The following KLHL18 variants were observed in gnomAD, a reference collection of about 807,000 sequenced individuals.
The protein encoded by KLHL18 is kelch-like protein 18.
Under a neutral mutation model 58.5 loss-of-function variants are expected in KLHL18, and 38 were observed. The observed-to-expected ratio is 0.65, with a 90% CI of 0.50 to 0.85. KLHL18 has a LOEUF of 0.85. Among genes scored for constraint, KLHL18 ranks in the 40% least tolerant of loss-of-function variants. The pLI, the probability that KLHL18 is intolerant of heterozygous loss-of-function variation, is 0.00. For synonymous variants in KLHL18, 303 were observed against 301.9 expected (o/e 1.00, Z -0.04); for missense variants, 624 against 778.4 (o/e 0.80, Z 2.36).
intron 4 of KLHL18, among the ~76,000 whole-genome samples, chr3:47,332,567 T>C (rs1703888692): frequency 8.0e-6 from 1 of 125,242 alleles, no homozygotes; most frequent in South Asian, 2.8e-4. Context: ...AGGTGTCCTG[T>C]CCCTAGCTCT....
chr3:47,291,632 G>C (rs1224828346), intron 1 of KLHL18, among the ~76,000 whole-genome samples: 1 of 152,206 alleles, frequency 6.6e-6, no homozygotes, highest in Non-Finnish European at 1.5e-5. Flanking sequence ...AGCTGAATCC[G>C]TTGCCTATAG....
chr3:47,336,231 C>T (rs1458184707), intron 6 of KLHL18, among the ~76,000 whole-genome samples: 1 of 152,160 alleles, frequency 6.6e-6, no homozygotes, highest in African/African-American at 2.4e-5. Context: ...ATGCCTCCTG[C>T]CTGGAGGAAA....
At position 47,336,536 on chromosome 3, in the gene KLHL18, T is replaced by C. The variant is rs1032024428; in HGVS notation, c.900T>C (p.Gly300=). The change falls in exon 7 of 10, where the codon GGT becomes GGC. Residue 300 remains glycine (G), a splice_region_variant and synonymous_variant. Coordinates refer to ENST00000232766, the MANE Select transcript of KLHL18 (RefSeq NM_025010.5). ...TTTGAGTAGCAAATTTTTATGCAGG[T>C]GATTCCCTGAATGTGGTGGAAGTGT... ...IYAVGGLNSA[G]DSLNVVEVFD... The C allele has an allele frequency of 3.7e-6, 6 of 1,611,384 alleles. No individual in the cohort carries two copies. Among genetic ancestry groups the C allele is most frequent in the Admixed American group, 3.3e-5 (2 of 59,980 alleles).
At chr3:47,292,775 A>G (rs1702815799) in intron 1 of KLHL18, among the ~76,000 whole-genome samples, 1 of 151,898 alleles carries the variant, frequency 6.6e-6, no homozygotes, top group South Asian at 2.1e-4. Context: ...GCGTGGTGGT[A>G]TGCACTTGTA....
chr3:47,329,388 C>T (rs181282009), intron 3 of KLHL18, among the ~76,000 whole-genome samples: 216 of 152,150 alleles, frequency 1.4e-3, no homozygotes, highest in African/African-American at 2.7e-3. Context: ...CCACCACACC[C>T]GGCTAATTTT....
chr3:47,335,628 C>T (rs1032274061), intron 6 of KLHL18, among the ~76,000 whole-genome samples: 2 of 152,256 alleles, frequency 1.3e-5, no homozygotes, highest in East Asian at 3.9e-4. Flanking sequence ...CCGCCTTAGC[C>T]TCCTGAGTAG....
intron 9 of KLHL18, among the ~76,000 whole-genome samples, chr3:47,343,062 A>G (rs149876166): frequency 1.3e-3 from 205 of 152,302 alleles, no homozygotes; most frequent in African/African-American, 4.7e-3. Context: ...ACCCTGTTCT[A>G]CTGTCTGTTG....
chr3:47,342,727 T>A lies in KLHL18; in HGVS notation c.1235T>A (p.Val412Glu). ...TYSPETDKWT[V>E]VTSMSSNRSA... ...TTGACTCTTTCCTGAAGATGGACAG[T>A]GGTGACCTCGATGAGCTCGAATCGC... Residue 412 changes from valine to glutamate, a missense_variant, in exon 9 of 10, where the codon GTG (valine) becomes GAG (glutamate). By Grantham distance (121) the Val-to-Glu change is moderately radical. Transcript: ENST00000232766. 6.2e-7 allele frequency: 1 copy of A among 1,613,994 alleles called. No homozygotes were observed. Among genetic ancestry groups the A allele is most frequent in the Non-Finnish European group, 8.5e-7 (1 of 1,179,898 alleles).
intron 3 of KLHL18, among the ~76,000 whole-genome samples, chr3:47,329,086 G>A (rs1289953120): frequency 6.6e-6 from 1 of 151,488 alleles, no homozygotes; most frequent in African/African-American, 2.4e-5. Flanking sequence ...CCGTGTTCAC[G>A]CTACTGCACT....
chr3:47,284,975 C>T (rs1702644032), intron 1 of KLHL18, among the ~76,000 whole-genome samples: 1 of 152,038 alleles, frequency 6.6e-6, no homozygotes, highest in Non-Finnish European at 1.5e-5. Context: ...CCCGCCACCA[C>T]GCCCGGCTAA....
intron 5 of KLHL18, among the ~76,000 whole-genome samples, chr3:47,333,566 C>A (rs947000920): frequency 2.0e-5 from 3 of 152,238 alleles, no homozygotes; most frequent in Admixed American, 1.3e-4. Flanking sequence ...GCTGAGTTAT[C>A]TGAGGATTTT....
At chr3:47,336,943 A>G in intron 7 of KLHL18, 186 bp downstream of exon 7, 1 of 585,964 alleles carries the variant, frequency 1.7e-6, no homozygotes, top group Non-Finnish European at 3.1e-6. Flanking sequence ...TAAAATATCC[A>G]CCTTGTCCTT....
intron 1 of KLHL18, among the ~76,000 whole-genome samples, chr3:47,297,009 T>C (rs1702910275): frequency 6.6e-6 from 1 of 152,154 alleles, no homozygotes; most frequent in South Asian, 2.1e-4. Flanking sequence ...TAGTAGGAAG[T>C]GGGGGGAGGG....
At chr3:47,295,904 C>T (rs1702886733) in intron 1 of KLHL18, among the ~76,000 whole-genome samples, 4 of 152,134 alleles carry the variant, frequency 2.6e-5, no homozygotes, top group Admixed American at 2.6e-4. Context: ...GGACCCATGC[C>T]CTCTTTCTTG....
At chr3:47,285,449 G>T (rs1021042786) in intron 1 of KLHL18, among the ~76,000 whole-genome samples, 3 of 152,222 alleles carry the variant, frequency 2.0e-5, no homozygotes, top group African/African-American at 7.2e-5. Context: ...GGGCACCGTG[G>T]CTCACGCCTA....
At chr3:47,287,727 T>G (rs1702706658) in intron 1 of KLHL18, among the ~76,000 whole-genome samples, 1 of 152,076 alleles carries the variant, frequency 6.6e-6, no homozygotes, top group African/African-American at 2.4e-5. Context: ...TCAAGTGATC[T>G]GCCTGCCTCG....
chr3:47,341,896 TAAAAAAAAA>T (rs10586716), intron 8 of KLHL18, among the ~76,000 whole-genome samples: 1 of 125,742 alleles, frequency 8.0e-6, no homozygotes, highest in Admixed American at 8.2e-5. Flanking sequence ...CTGTCTCTTT[TAAAAAAAAA>T]AAAAAAAAAA....
chr3:47,285,655 A>G (rs1702659457), intron 1 of KLHL18, among the ~76,000 whole-genome samples: 1 of 152,258 alleles, frequency 6.6e-6, no homozygotes, highest in African/African-American at 2.4e-5. Flanking sequence ...ATGGTCACAG[A>G]TACTTCTACA....
At chr3:47,307,245 A>G (rs1703173113) in intron 1 of KLHL18, among the ~76,000 whole-genome samples, 1 of 151,746 alleles carries the variant, frequency 6.6e-6, no homozygotes. Context: ...CTAATTTTTT[A>G]TATTTTTGGT....
Sources: allele counts gnomAD v4.1 joint callset (sites outside exome capture counted in the v4.1 genomes callset), GRCh38; gene constraint gnomAD v4.1.1; transcripts MANE v1.5; gene names NCBI Gene and HGNC (gene_info 2026-07-23, HGNC 2026-07-21).